CSMD1: variants seen among roughly 807,000 people sequenced by gnomAD.
CSMD1 encodes the protein CUB and Sushi multiple domains 1.
In CSMD1, 213 loss-of-function variants were observed where a neutral mutation model predicts 417.5. The observed-to-expected ratio is 0.51, with a 90% CI of 0.46 to 0.57. CSMD1 has a LOEUF of 0.57. Ranked by LOEUF, CSMD1 falls within the 20% of genes least tolerant of loss-of-function variation. The pLI is 0.00. For synonymous variants in CSMD1, 2,862 were observed against 1,736.8 expected (o/e 1.65, Z -16.11); for missense variants, 6,923 against 4,529.7 (o/e 1.53, Z -15.17).
intron 3 of CSMD1, among the ~76,000 whole-genome samples, chr8:4,100,450 T>G (rs142874961): frequency 9.2e-5 from 14 of 152,288 alleles, no homozygotes; most frequent in African/African-American, 3.1e-4. Flanking sequence ...TTCACTATCC[T>G]TTTATCTCCA....
chr8:3,199,979 A>T (rs1018601922), intron 32 of CSMD1, among the ~76,000 whole-genome samples, 170 bp from the exon 33 acceptor site: 3 of 152,008 alleles, frequency 2.0e-5, no homozygotes, highest in Non-Finnish European at 4.4e-5. Flanking sequence ...AAGATTAAAA[A>T]CTCTGTCCTA....
At chr8:4,960,959 G>T (rs1024063385) in intron 1 of CSMD1, among the ~76,000 whole-genome samples, 1 of 152,032 alleles carries the variant, frequency 6.6e-6, no homozygotes, top group African/African-American at 2.4e-5. Flanking sequence ...TTTAAACAAT[G>T]CACTTAGCCC....
At chr8:4,476,173 T>G (rs185036769) in intron 2 of CSMD1, among the ~76,000 whole-genome samples, 49 of 152,204 alleles carry the variant, frequency 3.2e-4, no homozygotes, top group African/African-American at 1.2e-3. Context: ...AAAATATAGT[T>G]TGCTTCACCA....
chr8:4,265,490 C>T lies in CSMD1; in HGVS notation c.415+154463G>A, dbSNP rs1383626324. On this transcript the variant is annotated intron_variant, in intron 3 of 69. Coordinates refer to ENST00000635120, the MANE Select transcript of CSMD1 (RefSeq NM_033225.6). ...TTATTGGTAAAAATAAATATTGGAA[C>T]CTGTTTCAAAAATAGCAAAATTTAA... 1.9e-5 allele frequency among the ~76,000 whole-genome samples: 2 copies of T among 103,642 alleles called. 1 individual carries two copies. The highest frequency in any genetic ancestry group is 5.2e-5 in the African/African-American group (2 of 38,220). 68.0% of individuals were successfully genotyped at this position (103,642 alleles called of 152,430 possible).
At chr8:3,069,252 G>C (rs1452565736) in intron 49 of CSMD1, among the ~76,000 whole-genome samples, 1 of 151,880 alleles carries the variant, frequency 6.6e-6, no homozygotes, top group East Asian at 1.9e-4. Flanking sequence ...TGGCCAACAT[G>C]GTGAACACCC....
chr8:4,118,544 C>T (rs1393379012), intron 3 of CSMD1, among the ~76,000 whole-genome samples: 15 of 152,202 alleles, frequency 9.9e-5, no homozygotes, highest in Non-Finnish European at 1.5e-4. Flanking sequence ...AAATGGGATA[C>T]CATCTCACGC....
At chr8:4,069,405 G>A (rs578096505) in intron 3 of CSMD1, among the ~76,000 whole-genome samples, 4 of 152,182 alleles carry the variant, frequency 2.6e-5, no homozygotes, top group East Asian at 1.9e-4. Context: ...TGAGTTTTCC[G>A]AGTTTTCCAT....
intron 12 of CSMD1, among the ~76,000 whole-genome samples, chr8:3,451,891 A>G (rs887675596): frequency 4.6e-5 from 7 of 152,178 alleles, no homozygotes; most frequent in South Asian, 2.1e-4. Context: ...CATTGAATCT[A>G]TAAATTACCT....
At chr8:3,981,135 G>T (rs1446424881) in intron 5 of CSMD1, among the ~76,000 whole-genome samples, 1 of 152,186 alleles carries the variant, frequency 6.6e-6, no homozygotes, top group Non-Finnish European at 1.5e-5. Context: ...CCTCCAGATG[G>T]AAAACAGTGA....
intron 3 of CSMD1, among the ~76,000 whole-genome samples, chr8:4,078,291 T>C (rs1799938508): frequency 6.6e-6 from 1 of 151,630 alleles, no homozygotes; most frequent in Non-Finnish European, 1.5e-5. Context: ...AACTGTGCCA[T>C]AATGATGAGT....
intron 1 of CSMD1, among the ~76,000 whole-genome samples, chr8:4,809,889 C>G (rs574136541): frequency 1.1e-3 from 164 of 152,278 alleles, no homozygotes; most frequent in South Asian, 2.7e-3. Flanking sequence ...TTAAACAGTG[C>G]CATTCAAATC....
chr8:3,423,405 T>G (rs1813620976), intron 12 of CSMD1, among the ~76,000 whole-genome samples: 1 of 152,236 alleles, frequency 6.6e-6, no homozygotes, highest in Non-Finnish European at 1.5e-5. Flanking sequence ...CTTCCAGAAT[T>G]TCATATAAAT....
chr8:3,954,461 G>T lies in CSMD1; in HGVS notation c.818+43442C>A, dbSNP rs558929623. 6.7e-4 allele frequency among the ~76,000 whole-genome samples: 102 copies of T among 152,262 alleles called. 1 individual carries two copies. In the East Asian group the frequency reaches 0.017, roughly 25 times the overall value. Reference sequence around the variant, plus strand: ...AGCTCACTGCAACCTCCTCCTCCCGGGTTCAGGCGATTCTGCTGCCTCAGC... The same window carrying T: ...AGCTCACTGCAACCTCCTCCTCCCGTGTTCAGGCGATTCTGCTGCCTCAGC... On this transcript the variant is annotated intron_variant, in intron 5 of 69. Coordinates refer to ENST00000635120, the MANE Select transcript of CSMD1 (RefSeq NM_033225.6).
chr8:3,585,903 T>A (rs1428843344), intron 9 of CSMD1, among the ~76,000 whole-genome samples: 8 of 152,132 alleles, frequency 5.3e-5, no homozygotes, highest in Admixed American at 5.2e-4. Flanking sequence ...ATGTGTGGAT[T>A]TGCTCACATC....
At chr8:4,153,591 G>A (rs1476966658) in intron 3 of CSMD1, among the ~76,000 whole-genome samples, 3 of 152,170 alleles carry the variant, frequency 2.0e-5, no homozygotes, top group South Asian at 4.1e-4. Context: ...CCGTCACAGG[G>A]TGCCCTGAGA....
At chr8:4,231,212 A>C (rs186030053) in intron 3 of CSMD1, among the ~76,000 whole-genome samples, 87 of 152,316 alleles carry the variant, frequency 5.7e-4, no homozygotes, top group African/African-American at 1.9e-3. Context: ...AATGAAAGGC[A>C]TTGTCTTATC....
intron 1 of CSMD1, among the ~76,000 whole-genome samples, chr8:4,955,800 T>G (rs1809067124): frequency 1.4e-5 from 1 of 71,862 alleles, no homozygotes; most frequent in South Asian, 5.5e-4. Flanking sequence ...AACAGTACCT[T>G]CAAATTGGCC....
intron 2 of CSMD1, among the ~76,000 whole-genome samples, chr8:4,595,387 C>CTTTTTTTTTTTTTTTTGTTTTTTTTTTTT: frequency 6.8e-6 from 1 of 147,448 alleles, no homozygotes; most frequent in Admixed American, 6.8e-5. Flanking sequence ...CATTCATTTT[C>CTTTTTTTTTTTTTTTTGTTTTTTTTTTTT]ATTCCATCCA....
intron 17 of CSMD1, among the ~76,000 whole-genome samples, chr8:3,389,956 G>C (rs753820439): frequency 2.0e-5 from 3 of 152,116 alleles, no homozygotes; most frequent in Non-Finnish European, 4.4e-5. Flanking sequence ...AGTACAGGAC[G>C]GGAGGACTGT....
Sources: allele counts gnomAD v4.1 joint callset (sites outside exome capture counted in the v4.1 genomes callset), GRCh38; gene constraint gnomAD v4.1.1; transcripts MANE v1.5; gene names NCBI Gene and HGNC (gene_info 2026-07-23, HGNC 2026-07-21).